The following MOSMO variants were observed in gnomAD, a reference collection of about 807,000 sequenced individuals.
The protein encoded by MOSMO is modulator of smoothened protein.
A neutral mutation model predicts 18.4 loss-of-function variants in MOSMO; 5 were observed. The observed-to-expected ratio is 0.27, with a 90% CI of 0.14 to 0.57. The LOEUF (loss-of-function observed/expected upper bound fraction) is 0.57. Among genes scored for constraint, MOSMO ranks in the 20% least tolerant of loss-of-function variants. MOSMO has a pLI of 0.92. For missense variants in MOSMO, 138 were observed against 211.8 expected (o/e 0.65, Z 2.16); for synonymous variants, 82 against 82.3 (o/e 1.00, Z 0.02).
chr16:22,061,492 A>C (rs927121859), intron 1 of MOSMO, among the ~76,000 whole-genome samples: 1 of 152,084 alleles, frequency 6.6e-6, no homozygotes, highest in Non-Finnish European at 1.5e-5. Flanking sequence ...ACACCCTCCT[A>C]TGTATTGTGC....
chr16:22,025,686 G>T (rs1598000311), intron 1 of MOSMO, among the ~76,000 whole-genome samples: 1 of 152,142 alleles, frequency 6.6e-6, no homozygotes, highest in Non-Finnish European at 1.5e-5. Flanking sequence ...AGGACAAAAA[G>T]AACTGCAAAG....
At chr16:22,020,795 G>A (rs1899745107) in intron 1 of MOSMO, among the ~76,000 whole-genome samples, 1 of 152,208 alleles carries the variant, frequency 6.6e-6, no homozygotes, top group African/African-American at 2.4e-5. Flanking sequence ...GAACAAGAAA[G>A]TGCAGCTTAT....
At chr16:22,089,821 C>T (rs1056647560), downstream of MOSMO, among the ~76,000 whole-genome samples, 1 of 152,018 alleles carries the variant, frequency 6.6e-6, no homozygotes, top group Non-Finnish European at 1.5e-5. Flanking sequence ...TAGATATTGC[C>T]ATCTTACCAA....
At chr16:22,014,089 G>C (rs1899590109) in intron 1 of MOSMO, among the ~76,000 whole-genome samples, 1 of 152,136 alleles carries the variant, frequency 6.6e-6, no homozygotes, top group Non-Finnish European at 1.5e-5. Flanking sequence ...TCCAGTCCCA[G>C]ACAGAACTGG....
intron 1 of MOSMO, chr16:22,064,387 A>G: frequency 2.2e-6 from 1 of 456,490 alleles, no homozygotes; most frequent in South Asian, 1.5e-5. Flanking sequence ...GAGGTTATTC[A>G]TTCAGGTGAA....
chr16:22,009,293 A>G (rs1459989558), intron 1 of MOSMO, among the ~76,000 whole-genome samples: 1 of 152,136 alleles, frequency 6.6e-6, no homozygotes, highest in Non-Finnish European at 1.5e-5. Flanking sequence ...ATAACACATT[A>G]CAGTTGCAGG....
downstream of MOSMO, chr16:22,085,311 G>C (rs1402633095): frequency 1.3e-5 from 2 of 152,120 alleles, no homozygotes; most frequent in Non-Finnish European, 2.9e-5. Flanking sequence ...TAAGATTAAG[G>C]GGTTTCCTTG....
intron 1 of MOSMO, among the ~76,000 whole-genome samples, chr16:22,070,125 C>T (rs957844605): frequency 2.0e-5 from 3 of 152,080 alleles, no homozygotes; most frequent in East Asian, 1.9e-4. Context: ...GAGACTGATA[C>T]CTACTGAATA....
chr16:22,088,429 T>C (rs1395824226), downstream of MOSMO, among the ~76,000 whole-genome samples: 1 of 152,226 alleles, frequency 6.6e-6, no homozygotes, highest in Non-Finnish European at 1.5e-5. Context: ...CTTCCCATTT[T>C]GATGTACATG....
At chr16:22,024,205 A>T (rs1899828180) in intron 1 of MOSMO, among the ~76,000 whole-genome samples, 1 of 151,878 alleles carries the variant, frequency 6.6e-6, no homozygotes, top group Non-Finnish European at 1.5e-5. Flanking sequence ...GGGTTTGGAG[A>T]AGACAGGAGA....
rs546022349 is a variant in MOSMO at position 22,035,121 on chromosome 16, G to A, written c.106+26714G>A. Among the ~76,000 whole-genome samples, 13 of 152,118 alleles carry A rather than the reference G, an allele frequency of 8.5e-5. No homozygotes were observed. In the South Asian group the frequency reaches 2.5e-3, roughly 29 times the overall value. ...CAGGAGTCCTGTCAATATGAATGACGGTAAGGTACATGGGGAGGGGAAGAG... is the reference window on the plus strand; with the variant it reads ...CAGGAGTCCTGTCAATATGAATGACAGTAAGGTACATGGGGAGGGGAAGAG... On this transcript the variant is annotated intron_variant, in intron 1 of 2. Coordinates refer to ENST00000542527, the MANE Select transcript of MOSMO (RefSeq NM_001164579.2).
At chr16:22,055,506 A>G (rs1401601003) in intron 1 of MOSMO, among the ~76,000 whole-genome samples, 1 of 152,182 alleles carries the variant, frequency 6.6e-6, no homozygotes, top group African/African-American at 2.4e-5. Flanking sequence ...GTATCTTGCA[A>G]ACTTTTAAAG....
intron 1 of MOSMO, among the ~76,000 whole-genome samples, chr16:22,011,614 C>G (rs781113218): frequency 1.3e-5 from 2 of 152,034 alleles, no homozygotes; most frequent in Non-Finnish European, 2.9e-5. Flanking sequence ...ATCGTAGGCA[C>G]AAGGTCCAGA....
In MOSMO at chr16:22,017,633, C is replaced by G. The variant is rs116538928; in HGVS notation, c.106+9226C>G. Reference sequence around the variant, plus strand: ...AGCTGTTGTAGAAATCCTAAAGAGGCTTAGATAAGAGCCATGAGGAAACCT... The same window carrying G: ...AGCTGTTGTAGAAATCCTAAAGAGGGTTAGATAAGAGCCATGAGGAAACCT... On this transcript the variant is annotated intron_variant, in intron 1 of 2. Transcript: ENST00000542527. Among the ~76,000 whole-genome samples, 869 of 152,170 alleles carry G rather than the reference C, an allele frequency of 5.7e-3. 8 individuals carry two copies. Among genetic ancestry groups the G allele is most frequent in the African/African-American group, 0.02 (819 of 41,528 alleles).
intron 1 of MOSMO, among the ~76,000 whole-genome samples, chr16:22,056,465 AG>A (rs1244085560): frequency 7.2e-6 from 1 of 139,182 alleles, no homozygotes; most frequent in African/African-American, 2.7e-5. Flanking sequence ...TCCGCCTCCC[AG>A]GTCAAGCAAT....
intron 1 of MOSMO, among the ~76,000 whole-genome samples, chr16:22,011,908 G>A (rs1264584910): frequency 6.9e-6 from 1 of 144,954 alleles, no homozygotes; most frequent in African/African-American, 2.6e-5. Context: ...AGTCTCACCT[G>A]AGCAGGCAGA....
intron 1 of MOSMO, chr16:22,075,225 AT>A (rs1443795895): frequency 1.9e-6 from 1 of 533,576 alleles, no homozygotes; most frequent in Non-Finnish European, 3.5e-6. Context: ...TCAGAAAAGT[AT>A]TTATTTAATG....
chr16:22,037,413 G>A (rs374697621), intron 1 of MOSMO, among the ~76,000 whole-genome samples: 10 of 152,270 alleles, frequency 6.6e-5, no homozygotes, highest in South Asian at 4.2e-4. Context: ...CTCACAACAC[G>A]GAAAACTTCT....
Position 22,080,929 on chromosome 16 carries a change from T to G in MOSMO, c.*49T>G, listed in dbSNP as rs1418248647. The G allele has an allele frequency of 2.0e-6, 2 of 1,001,836 alleles. No homozygotes were observed. Among genetic ancestry groups the G allele is most frequent in the Admixed American group, 4.0e-5 (1 of 24,774 alleles). The allele number at this position is 1,001,836 out of a possible 1,614,324, so 62.1% of individuals were successfully genotyped here. A position where few individuals can be genotyped will look rare whatever the true frequency, so the allele number is the denominator to read the frequency against. On this transcript the variant is annotated 3_prime_UTR_variant, in exon 3 of 3. Transcript: ENST00000542527. ...TTATTATTTTTTATTTTATTTTATT[T>G]TTTTATTTTTGGAGGGTGGAGAGGA...
Sources: gnomAD v4.1 joint callset for allele counts (sites outside exome capture counted in the v4.1 genomes callset) on GRCh38, gnomAD v4.1.1 for gene constraint, MANE v1.5 for transcripts, NCBI Gene and HGNC (gene_info 2026-07-23, HGNC 2026-07-21) for gene names.